The following RHBDD3 variants were observed in gnomAD, a reference collection of about 807,000 sequenced individuals.
RHBDD3 encodes the protein rhomboid domain-containing protein 3.
RHBDD3 carries 34 observed loss-of-function variants against 32.3 expected under a neutral mutation model. That is an observed-to-expected ratio of 1.05 (90% CI 0.80 to 1.40). The LOEUF (loss-of-function observed/expected upper bound fraction) is 1.40, where lower values mean the gene tolerates loss of function less well. RHBDD3 is among the 40% of genes most tolerant of loss of function. RHBDD3 has a pLI of 0.00. For missense variants in RHBDD3, 482 were observed against 492.6 expected, an observed-to-expected ratio of 0.98 and a Z score of 0.20; for synonymous variants, 249 against 239.1, an observed-to-expected ratio of 1.04 and a Z score of -0.38.
intron 4 of RHBDD3, 73 bp from the exon 5 acceptor site, chr22:29,260,937 A>C (rs1009341827): frequency 5.7e-6 from 8 of 1,400,892 alleles, no homozygotes; most frequent in Non-Finnish European, 7.5e-6. Flanking sequence ...GCCACAGGCC[A>C]GGCCCCATGC....
Position 29,264,005 on chromosome 22 carries a change from T to C in RHBDD3, c.362A>G (p.Tyr121Cys), listed in dbSNP as rs1052795765. 8.4e-6 allele frequency: 13 copies of C among 1,553,152 alleles called. No individual in the cohort carries two copies. Among genetic ancestry groups the C allele is most frequent in the Non-Finnish European group, 1.0e-5 (12 of 1,148,386 alleles). Residue 121 changes from tyrosine to cysteine, a missense_variant, in exon 4 of 7, where the codon TAC becomes TGC. Coordinates refer to ENST00000216085, the MANE Select transcript of RHBDD3 (RefSeq NM_012265.3). ...CAGCATGGCCAGGTGGACAGGCATGTATCCACAGCTGCCGGCTGCACTGGA... is the reference window on the plus strand; with the variant it reads ...CAGCATGGCCAGGTGGACAGGCATGCATCCACAGCTGCCGGCTGCACTGGA... ...GLSSAAGSCGYMPVHLAMLAG... is the reference protein window; with the variant it reads ...GLSSAAGSCGCMPVHLAMLAG...
intron 4 of RHBDD3, chr22:29,262,141 T>C (rs1341890152): frequency 4.8e-4 from 2 of 4,192 alleles, no homozygotes; most frequent in African/African-American, 8.0e-4. Flanking sequence ...TTGTACGGCT[T>C]TTTTTTTTTT....
rs765733548 is a variant in RHBDD3, at chr22:29,264,218, A to G, written c.149T>C (p.Val50Ala). 8 of 1,526,430 alleles carry G rather than the reference A, an allele frequency of 5.2e-6. No homozygotes were observed. Among genetic ancestry groups the G allele is most frequent in the South Asian group, 3.9e-5 (3 of 76,976 alleles). 94.6% of individuals were successfully genotyped at this position (1,526,430 alleles called of 1,614,324 possible). Residue 50 changes from valine to alanine, a missense_variant and splice_region_variant, in exon 4 of 7, where the codon GTG becomes GCG. Coordinates refer to ENST00000216085, the MANE Select transcript of RHBDD3 (RefSeq NM_012265.3). ...APELLLDPWQ[V>A]HRLLTHALGH... ...CAGGGCATGGGTCAGCAGCCGGTGC[A>G]CTGGGAGAGAGAAGGGGCTTATGTG...
In RHBDD3 at chr22:29,259,903, C is replaced by CG. The variant is rs2058088883; in HGVS notation, c.*156dup. On this transcript the variant is annotated 3_prime_UTR_variant, in exon 7 of 7. Transcript: ENST00000216085. The stretch of plus-strand genomic sequence containing the variant: ...AACAAACTGGTTTTTATTCTAAACA[C>CG]GTACTAGGGCAGCATGCTGGGGGGC... The CG allele has an allele frequency of 8.7e-6, 6 of 688,934 alleles. No individual in the cohort carries two copies. The East Asian group carries it at 1.6e-4, about 19-fold the overall frequency. 42.7% of individuals were successfully genotyped at this position (688,934 alleles called of 1,614,324 possible). A position where few individuals can be genotyped will look rare whatever the true frequency, so the allele number is the denominator to read the frequency against.
At chr22:29,268,051 C>T, upstream of RHBDD3, 1 of 563,604 alleles carries the variant, frequency 1.8e-6, no homozygotes, top group Non-Finnish European at 3.2e-6. Context: ...TAGTCTCGTG[C>T]TGAGAGCCTC....
intron 4 of RHBDD3, among the ~76,000 whole-genome samples, chr22:29,263,397 T>G (rs886152126): frequency 6.6e-6 from 1 of 152,170 alleles, no homozygotes; most frequent in African/African-American, 2.4e-5. Flanking sequence ...CAGGCTGGTC[T>G]TGAACTCCAG....
In RHBDD3 at chr22:29,263,833, A is replaced by T. The variant is rs1167222616; in HGVS notation, c.532+2T>A. ...CGGGCCCTGGGCTCAGGCAAAGGAT[A>T]CAGGCCAGGCCGGCAAGGAGGCCGC... On this transcript the variant is annotated splice_donor_variant, in intron 4 of 6. Coordinates refer to ENST00000216085, the MANE Select transcript of RHBDD3 (RefSeq NM_012265.3). LOFTEE classifies it high-confidence loss of function. The T allele has an allele frequency of 6.6e-7, 1 of 1,523,916 alleles. No individual in the cohort carries two copies. Among genetic ancestry groups the T allele is most frequent in the Non-Finnish European group, 8.8e-7 (1 of 1,129,948 alleles). 94.4% of individuals were successfully genotyped at this position (1,523,916 alleles called of 1,614,324 possible).
At position 29,263,995 on chromosome 22, in the gene RHBDD3, G is replaced by C; in HGVS notation, c.372C>G (p.Val124=). 2 of 1,552,470 alleles carry C rather than the reference G, an allele frequency of 1.3e-6. No individual in the cohort carries two copies. The highest frequency in any genetic ancestry group is 1.7e-6 in the Non-Finnish European group (2 of 1,147,982). The change falls in exon 4 of 7, where the codon GTC becomes GTG. Residue 124 remains valine, a synonymous_variant. Transcript: ENST00000216085. ...CCTCCCCAGCCAGCATGGCCAGGTG[G>C]ACAGGCATGTATCCACAGCTGCCGG... ...SAAGSCGYMP[V]HLAMLAGEGH...
intron 4 of RHBDD3, among the ~76,000 whole-genome samples, chr22:29,263,495 A>G (rs2058143195): frequency 6.6e-6 from 1 of 152,070 alleles, no homozygotes; most frequent in African/African-American, 2.4e-5. Context: ...TAATTTTTTT[A>G]ATTTTTAATT....
At chr22:29,264,487 C>T in intron 3 of RHBDD3, 1 of 1,265,510 alleles carries the variant, frequency 7.9e-7, no homozygotes, top group Non-Finnish European at 1.0e-6. Flanking sequence ...CTACAGAGCA[C>T]TCACTATGTC....
At chr22:29,264,645 G>C (rs1293581067) in intron 3 of RHBDD3, 1 of 399,144 alleles carries the variant, frequency 2.5e-6, no homozygotes, top group Non-Finnish European at 3.4e-6. Flanking sequence ...GAGCATCATT[G>C]GGGGTCCTCA....
chr22:29,265,498 C>T lies in RHBDD3; in HGVS notation c.129G>A (p.Leu43=). Residue 43 remains leucine (L), a synonymous_variant, in exon 3 of 7, where the codon CTG becomes CTA. Transcript: ENST00000216085. The stretch of plus-strand genomic sequence containing the variant: ...CCTCACCCTGCCAGGGGTCCAGCAA[C>T]AGCTCCGGGGCCAGGACCAGGCCGG... ...AGPGLVLAPE[L]LLDPWQVHRL... is the part of the protein sequence containing the mutation. The T allele has an allele frequency of 3.3e-6, 5 of 1,536,486 alleles. No individual in the cohort carries two copies. Among genetic ancestry groups the T allele is most frequent in the Non-Finnish European group, 4.3e-6 (5 of 1,149,922 alleles).
At chr22:29,262,391 G>A (rs1347094559) in intron 4 of RHBDD3, among the ~76,000 whole-genome samples, 3 of 151,916 alleles carry the variant, frequency 2.0e-5, no homozygotes, top group Admixed American at 1.3e-4. Flanking sequence ...TGTCTGCCTC[G>A]GCCTCTCAAA....
chr22:29,261,372 G>A, intron 4 of RHBDD3: 1 of 463,294 alleles, frequency 2.2e-6, no homozygotes, highest in Non-Finnish European at 4.4e-6. Flanking sequence ...TGAGACGGGA[G>A]GATCACTTGA....
chr22:29,264,334 CCT>C, intron 3 of RHBDD3, 116 bp from the exon 4 acceptor site: 1 of 1,432,836 alleles, frequency 7.0e-7, no homozygotes, highest in East Asian at 2.6e-5. Context: ...GCCCACCTCC[CCT>C]CCCCAGGAGC....
rs760570839 is a variant in RHBDD3 at position 29,260,109 on chromosome 22, G to T, written c.1112C>A (p.Thr371Asn). The T allele has an allele frequency of 8.2e-6, 13 of 1,582,714 alleles. No homozygotes were observed. In the East Asian group the frequency reaches 2.6e-4, roughly 31 times the overall value. The part of the protein sequence containing the change: ...GGQVGTETLV[T>N]HGKGGPAHSE... ...GTGGGCAGGCCCACCCTTTCCATGGGTCACCAGGGTCTCAGTGCCCACTTG... is the reference window on the plus strand; with the variant it reads ...GTGGGCAGGCCCACCCTTTCCATGGTTCACCAGGGTCTCAGTGCCCACTTG... Residue 371 changes from threonine (T) to asparagine (N), a missense_variant, in exon 7 of 7, where the codon ACC (threonine) becomes AAC (asparagine). Coordinates refer to ENST00000216085, the MANE Select transcript of RHBDD3 (RefSeq NM_012265.3).
chr22:29,266,633 G>C (rs1253585820), intron 2 of RHBDD3, among the ~76,000 whole-genome samples: 3 of 152,104 alleles, frequency 2.0e-5, no homozygotes, highest in Non-Finnish European at 4.4e-5. Flanking sequence ...ACCAAAGCAA[G>C]GCCTTCTCCC....
At chr22:29,264,567 T>C (rs1385228794) in intron 3 of RHBDD3, 30 of 975,966 alleles carry the variant, frequency 3.1e-5, no homozygotes, top group Admixed American at 6.2e-5. Flanking sequence ...TGAAATGGCC[T>C]GCTTCAATCC....
rs1287968213 is a variant in RHBDD3 at position 29,263,846 on chromosome 22, G to A, written c.521C>T (p.Ala174Val). 7.2e-6 allele frequency: 11 copies of A among 1,534,802 alleles called. No homozygotes were observed. The Admixed American group carries it at 1.6e-4, about 22-fold the overall frequency. The change falls in exon 4 of 7, where the codon GCC becomes GTC. Residue 174 changes from alanine to valine, a missense_variant. Physicochemically the swap from Ala to Val is moderately conservative, Grantham distance 64. Coordinates refer to ENST00000216085, the MANE Select transcript of RHBDD3 (RefSeq NM_012265.3). Reference protein sequence around the residue: ...PFLQLLCGLLAGLAYAAGAFR... With the variant: ...PFLQLLCGLLVGLAYAAGAFR... ...CAGGCAAAGGATACAGGCCAGGCCGGCAAGGAGGCCGCAAAGGAGCTGCAG... is the reference window on the plus strand; with the variant it reads ...CAGGCAAAGGATACAGGCCAGGCCGACAAGGAGGCCGCAAAGGAGCTGCAG...
Sources: gnomAD v4.1 joint callset for allele counts (sites outside exome capture counted in the v4.1 genomes callset) on GRCh38, gnomAD v4.1.1 for gene constraint, MANE v1.5 for transcripts, NCBI Gene and HGNC (gene_info 2026-07-23, HGNC 2026-07-21) for gene names.